The following ANKDD1A variants were observed in gnomAD, a reference collection of about 807,000 sequenced individuals.
ANKDD1A encodes ankyrin repeat and death domain-containing protein 1A.
A neutral mutation model predicts 63.5 loss-of-function variants in ANKDD1A; 59 were observed. The observed-to-expected ratio is 0.93, with a 90% CI of 0.75 to 1.15. The LOEUF (loss-of-function observed/expected upper bound fraction) is 1.15. Among genes scored for constraint, ANKDD1A ranks in the 50% most tolerant of loss-of-function variants. The pLI is 0.00. For synonymous variants in ANKDD1A, 266 were observed against 263.9 expected, an observed-to-expected ratio of 1.01 and a Z score of -0.08; for missense variants, 632 against 656.4, an observed-to-expected ratio of 0.96 and a Z score of 0.41.
intron 12 of ANKDD1A, among the ~76,000 whole-genome samples, chr15:64,946,597 G>A (rs923224798): frequency 5.3e-5 from 8 of 152,248 alleles, no homozygotes; most frequent in African/African-American, 1.9e-4. Context: ...ATCTCCCCTG[G>A]ACCCCTAGGC....
intron 13 of ANKDD1A, among the ~76,000 whole-genome samples, chr15:64,948,856 AAAAT>A (rs2085245249): frequency 6.6e-6 from 1 of 152,154 alleles, no homozygotes; most frequent in Non-Finnish European, 1.5e-5. Flanking sequence ...TCCTGACACA[AAAAT>A]ATGCAAATTG....
Position 64,943,480 on chromosome 15 carries a change from C to T in ANKDD1A, c.967-4C>T, listed in dbSNP as rs759192204. ...CTTACCTATTCCCTTGGCTTCTCCC[C>T]TAGAGGCAGCAGACGCCCCTTCACC... On this transcript the variant is annotated splice_region_variant and splice_polypyrimidine_tract_variant and intron_variant, in intron 10 of 14. Coordinates refer to ENST00000319580, the MANE Select transcript of ANKDD1A (RefSeq NM_182703.6). The T allele has an allele frequency of 6.2e-7, 1 of 1,614,146 alleles. No individual in the cohort carries two copies. Among genetic ancestry groups the T allele is most frequent in the South Asian group, 1.1e-5 (1 of 91,078 alleles).
At chr15:64,921,677 C>A (rs2085007633) in intron 3 of ANKDD1A, among the ~76,000 whole-genome samples, 1 of 152,044 alleles carries the variant, frequency 6.6e-6, no homozygotes, top group African/African-American at 2.4e-5. Context: ...GCCTGGCCGG[C>A]AGCTGTCTTA....
chr15:64,947,382 A>G, intron 12 of ANKDD1A, 22 bp from the exon 13 acceptor site: 2 of 1,603,254 alleles, frequency 1.2e-6, no homozygotes, highest in South Asian at 1.1e-5. Flanking sequence ...GAGCTTCTGC[A>G]CTTTTGGGAT....
At chr15:64,921,033 C>T (rs958824751) in intron 3 of ANKDD1A, among the ~76,000 whole-genome samples, 2 of 149,980 alleles carry the variant, frequency 1.3e-5, no homozygotes, top group Non-Finnish European at 3.0e-5. Flanking sequence ...TGCAGTGGTG[C>T]GATCACAGCT....
chr15:64,942,394 TCCCCAGCACCAGC>T (rs1207445623), intron 9 of ANKDD1A, 60 bp from the exon 10 acceptor site: 2 of 1,199,580 alleles, frequency 1.7e-6, no homozygotes, highest in Non-Finnish European at 1.2e-6. Flanking sequence ...CCTCCTCCTG[TCCCCAGCACCAGC>T]CTGCAGCTGG....
intron 9 of ANKDD1A, among the ~76,000 whole-genome samples, chr15:64,940,171 T>C (rs973418024): frequency 6.7e-6 from 1 of 149,660 alleles, no homozygotes; most frequent in Non-Finnish European, 1.5e-5. Flanking sequence ...GCAAAAGACA[T>C]GAATAGACAT....
intron 9 of ANKDD1A, among the ~76,000 whole-genome samples, chr15:64,937,798 A>G (rs1202094815): frequency 6.6e-6 from 1 of 152,192 alleles, no homozygotes; most frequent in Non-Finnish European, 1.5e-5. Context: ...TTATATGGAA[A>G]GACCTTAAAG....
chr15:64,921,267 G>T (rs912806768), intron 3 of ANKDD1A, among the ~76,000 whole-genome samples: 3 of 152,226 alleles, frequency 2.0e-5, no homozygotes, highest in African/African-American at 7.2e-5. Flanking sequence ...ACCCAGTTAT[G>T]AAGCTTTATT....
chr15:64,944,563 T>C, intron 11 of ANKDD1A, 89 bp from the exon 12 acceptor site: 1 of 1,218,296 alleles, frequency 8.2e-7, no homozygotes, highest in Non-Finnish European at 1.2e-6. Context: ...GCACTTCCTG[T>C]GGGCAGGAGG....
At chr15:64,951,350 C>T in intron 14 of ANKDD1A, 1 of 477,130 alleles carries the variant, frequency 2.1e-6, no homozygotes, top group Non-Finnish European at 2.4e-6. Context: ...CTTCTTTCCT[C>T]TTCTTTCTTC....
At chr15:64,946,433 C>A (rs1179348155) in intron 12 of ANKDD1A, among the ~76,000 whole-genome samples, 2 of 152,194 alleles carry the variant, frequency 1.3e-5, no homozygotes, top group Non-Finnish European at 1.5e-5. Context: ...AACATGACAA[C>A]CCCTTTACAT....
At chr15:64,952,113 TTC>T (rs148453546) in intron 14 of ANKDD1A, among the ~76,000 whole-genome samples, 72,773 of 120,418 alleles carry the variant, frequency 0.6, 18,770 homozygotes, top group East Asian at 0.71. Context: ...TCTTTTCTTC[TTC>T]TTTCTTCTCT....
chr15:64,953,343 CCTT>C (rs1324551376), intron 14 of ANKDD1A, among the ~76,000 whole-genome samples: 36 of 148,994 alleles, frequency 2.4e-4, no homozygotes, highest in African/African-American at 5.9e-4. Context: ...TTCTTCCTCT[CCTT>C]CTTCTTAGTT....
intron 9 of ANKDD1A, among the ~76,000 whole-genome samples, chr15:64,938,976 A>G (rs2085158611): frequency 1.3e-5 from 2 of 151,516 alleles, no homozygotes; most frequent in Admixed American, 1.3e-4. Flanking sequence ...AAGACTCTGA[A>G]TAGAGTATGG....
intron 9 of ANKDD1A, among the ~76,000 whole-genome samples, chr15:64,940,435 T>TATAGATAG (rs1371427574): frequency 8.2e-6 from 1 of 121,874 alleles, no homozygotes; most frequent in African/African-American, 2.8e-5. Context: ...TAGATAGATA[T>TATAGATAG]ATAGATATTT....
chr15:64,956,534 C>T (rs2085418488), intron 14 of ANKDD1A, among the ~76,000 whole-genome samples: 1 of 149,094 alleles, frequency 6.7e-6, no homozygotes, highest in African/African-American at 2.4e-5. Flanking sequence ...GCCTGGGCGA[C>T]AGAGCAAGAC....
At position 64,930,803 on chromosome 15, in the gene ANKDD1A, G is replaced by A; in HGVS notation, c.571-19G>A. 6.2e-7 allele frequency: 1 copy of A among 1,607,912 alleles called. No individual in the cohort carries two copies. Among genetic ancestry groups the A allele is most frequent in the Non-Finnish European group, 8.5e-7 (1 of 1,178,324 alleles). ...GACTCTCTGGTCTGCTGGCCTCTCA[G>A]GAGCCCTTTTTCCTGCAGGAGGGGA... On this transcript the variant is annotated intron_variant, in intron 6 of 14. Coordinates refer to ENST00000319580, the MANE Select transcript of ANKDD1A (RefSeq NM_182703.6).
intron 2 of ANKDD1A, among the ~76,000 whole-genome samples, chr15:64,916,444 A>G (rs1237523316): frequency 2.0e-5 from 3 of 150,598 alleles, no homozygotes; most frequent in East Asian, 3.9e-4. Context: ...TCCCATCTCA[A>G]CCTCCTGAGT....
Sources: gnomAD v4.1 joint callset for allele counts (sites outside exome capture counted in the v4.1 genomes callset) on GRCh38, gnomAD v4.1.1 for gene constraint, MANE v1.5 for transcripts, NCBI Gene and HGNC (gene_info 2026-07-23, HGNC 2026-07-21) for gene names.